Variants in C12orf42 observed in about 807,000 individuals in gnomAD.
C12orf42 encodes chromosome 12 open reading frame 42.
C12orf42 carries 25 observed loss-of-function variants against 21.6 expected under a neutral mutation model. That is an observed-to-expected ratio of 1.16 (90% CI 0.84 to 1.62). The LOEUF is 1.62. C12orf42 is among the 40% of genes most tolerant of loss of function. The pLI, the probability that C12orf42 is intolerant of heterozygous loss-of-function variation, is 0.00. For missense variants in C12orf42, 483 were observed against 459.3 expected (o/e 1.05, Z -0.47); for synonymous variants, 174 against 175.0 (o/e 0.99, Z 0.05).
chr12:103,273,226 G>C (rs557641384), intron 5 of C12orf42, among the ~76,000 whole-genome samples: 134 of 152,226 alleles, frequency 8.8e-4, no homozygotes, highest in African/African-American at 3.1e-3. Context: ...ACCACTGGGA[G>C]GCCTTTGCCC....
intron 2 of C12orf42, among the ~76,000 whole-genome samples, chr12:103,449,752 CCTGA>C (rs1393860131): frequency 1.3e-5 from 2 of 151,248 alleles, no homozygotes; most frequent in Non-Finnish European, 2.9e-5. Context: ...CCTGGTCATT[CCTGA>C]CTTTTTGTTC....
At chr12:103,554,605 T>A in the C12orf42 span, among the ~76,000 whole-genome samples, 67,026 of 151,762 alleles carry the variant, frequency 0.44, 15,206 homozygotes, top group Admixed American at 0.52. Context: ...TAATCAGCTT[T>A]TGGTTCTATG....
At chr12:103,089,018 C>T in the C12orf42 span, among the ~76,000 whole-genome samples, 5 of 142,696 alleles carry the variant, frequency 3.5e-5, no homozygotes, top group East Asian at 2.2e-4. Context: ...AGGAGAAAGG[C>T]GTGAACCCGG....
At chr12:103,495,500 C>T (rs1955475421) in intron 1 of C12orf42, among the ~76,000 whole-genome samples, 1 of 151,652 alleles carries the variant, frequency 6.6e-6, no homozygotes, top group African/African-American at 2.4e-5. Flanking sequence ...GCGGCGGTGG[C>T]ATCGCTGCGC....
At chr12:103,203,498 T>G in the C12orf42 span, among the ~76,000 whole-genome samples, 38 of 152,288 alleles carry the variant, frequency 2.5e-4, no homozygotes, top group South Asian at 1.2e-3. Flanking sequence ...TCATAATTAC[T>G]TTAAAAAAAT....
chr12:103,243,686 A>G (rs1287912771), intron 10 of C12orf42, among the ~76,000 whole-genome samples: 1 of 152,164 alleles, frequency 6.6e-6, no homozygotes, highest in Non-Finnish European at 1.5e-5. Flanking sequence ...TTAACAGTGT[A>G]CTGGTAATTA....
intron 4 of C12orf42, among the ~76,000 whole-genome samples, chr12:103,331,067 T>G (rs2041200492): frequency 6.6e-6 from 1 of 152,242 alleles, no homozygotes; most frequent in South Asian, 2.1e-4. Flanking sequence ...CTCTTTGACT[T>G]ATTATGAGGT....
chr12:103,108,431 G>A, the C12orf42 span, among the ~76,000 whole-genome samples: 4 of 151,860 alleles, frequency 2.6e-5, no homozygotes, highest in Non-Finnish European at 5.9e-5. Flanking sequence ...GCAATTAATT[G>A]AACCCATCTC....
chr12:103,210,639 C>CTTTTTTTTT, the C12orf42 span, among the ~76,000 whole-genome samples: 57 of 77,544 alleles, frequency 7.4e-4, no homozygotes, highest in East Asian at 1.7e-3. Context: ...CCCTCTATTT[C>CTTTTTTTTT]TTTTTTTTTT....
the C12orf42 span, among the ~76,000 whole-genome samples, chr12:103,513,858 A>C: frequency 1.3e-5 from 2 of 152,246 alleles, no homozygotes; most frequent in African/African-American, 4.8e-5. Context: ...AAACTAAAAA[A>C]AAAAACAAGT....
chr12:103,247,152 G>T (rs1219738970), intron 10 of C12orf42, among the ~76,000 whole-genome samples: 5 of 151,302 alleles, frequency 3.3e-5, no homozygotes, highest in Non-Finnish European at 7.4e-5. Context: ...ACTGCAACAA[G>T]TACCATTTTT....
At chr12:103,062,535 G>A in the C12orf42 span, among the ~76,000 whole-genome samples, 1 of 151,712 alleles carries the variant, frequency 6.6e-6, no homozygotes, top group East Asian at 1.9e-4. Flanking sequence ...TTAAATATTA[G>A]GTTGGTGCAA....
At chr12:103,525,411 A>G in the C12orf42 span, among the ~76,000 whole-genome samples, 177 of 152,244 alleles carry the variant, frequency 1.2e-3, no homozygotes, top group Admixed American at 3.1e-3. Context: ...ATCCATCTCA[A>G]TGAATGCAAA....
intron 1 of C12orf42, among the ~76,000 whole-genome samples, chr12:103,482,824 C>G (rs1954566227): frequency 6.6e-6 from 1 of 151,908 alleles, no homozygotes; most frequent in Non-Finnish European, 1.5e-5. Flanking sequence ...TCTTTCTAGC[C>G]ACTGGATAAT....
the C12orf42 span, among the ~76,000 whole-genome samples, chr12:103,051,868 C>G: frequency 1.3e-5 from 2 of 152,168 alleles, no homozygotes; most frequent in African/African-American, 4.8e-5. Flanking sequence ...TCTTTCTCTC[C>G]TGTTTCTTTG....
rs1368757122 is a variant in C12orf42, at chr12:103,478,343, C to A, written c.78+6G>T. 2 of 1,580,076 alleles carry A rather than the reference C, an allele frequency of 1.3e-6. No individual in the cohort carries two copies. The highest frequency in any genetic ancestry group is 4.5e-5 in the East Asian group (2 of 44,488). ...GTAAGAAAATATAGTATCTCTTATG[C>A]ATTACCTGCATCCTGTTTGCAAAAG... On this transcript the variant is annotated splice_donor_region_variant and intron_variant, in intron 2 of 5. Transcript: ENST00000548883.
downstream of C12orf42, among the ~76,000 whole-genome samples, chr12:103,299,126 A>G (rs566155534): frequency 6.6e-6 from 1 of 152,250 alleles, no homozygotes; most frequent in African/African-American, 2.4e-5. Flanking sequence ...ACTAGCTTTC[A>G]TAATATATTG....
At position 103,435,103 on chromosome 12, in the gene C12orf42, G is replaced by A. The variant is rs1239994900; in HGVS notation, c.79-33428C>T. On this transcript the variant is annotated intron_variant, in intron 2 of 5. Transcript: ENST00000548883. ...AGTGGGTCCCTGACCCCTGACCCCCGAGCAGCCTAACTGGGAGGCACCCCC... is the reference window on the plus strand; with the variant it reads ...AGTGGGTCCCTGACCCCTGACCCCCAAGCAGCCTAACTGGGAGGCACCCCC... Among the ~76,000 whole-genome samples, 41 of 151,944 alleles carry A rather than the reference G, an allele frequency of 2.7e-4. No individual in the cohort carries two copies. In the South Asian group the frequency reaches 3.3e-3, roughly 12 times the overall value.
chr12:103,516,651 C>T, the C12orf42 span, among the ~76,000 whole-genome samples: 1 of 152,136 alleles, frequency 6.6e-6, no homozygotes, highest in Non-Finnish European at 1.5e-5. Flanking sequence ...ATGAGAACAG[C>T]ACAGAGGAAA....
Sources: gnomAD v4.1 joint callset for allele counts (sites outside exome capture counted in the v4.1 genomes callset) on GRCh38, gnomAD v4.1.1 for gene constraint, MANE v1.5 for transcripts, NCBI Gene and HGNC (gene_info 2026-07-23, HGNC 2026-07-21) for gene names.